E2F3: variants seen among roughly 807,000 people sequenced by gnomAD.
E2F3 encodes E2F transcription factor 3, also known as transcription factor E2F3.
In E2F3, 11 loss-of-function variants were observed where a neutral mutation model predicts 44.4. That is an observed-to-expected ratio of 0.25 (90% confidence interval 0.16 to 0.41). E2F3 has a LOEUF of 0.41. E2F3 is among the 10% of genes least tolerant of loss of function. E2F3 has a pLI of 1.00. For synonymous variants in E2F3, 249 were observed against 253.0 expected (o/e 0.98, Z 0.15); for missense variants, 487 against 583.6 (o/e 0.83, Z 1.70).
chr6:20,480,453 A>T (rs1455715407), intron 2 of E2F3, among the ~76,000 whole-genome samples: 3 of 152,214 alleles, frequency 2.0e-5, no homozygotes, highest in Non-Finnish European at 4.4e-5. Context: ...AACGTAGGTT[A>T]GAAATAGCCA....
At chr6:20,426,014 A>G (rs1191546634) in intron 1 of E2F3, among the ~76,000 whole-genome samples, 6 of 152,340 alleles carry the variant, frequency 3.9e-5, no homozygotes, top group Non-Finnish European at 7.3e-5. Context: ...AAGTAATCTC[A>G]TTTATTAGGA....
chr6:20,439,226 T>C (rs73732143), intron 1 of E2F3, among the ~76,000 whole-genome samples: 4,242 of 152,260 alleles, frequency 0.028, 193 homozygotes, highest in African/African-American at 0.096. Context: ...TTTAGAACCA[T>C]CGAGGGAATT....
rs113851637 is a variant in E2F3 at position 20,479,682 on chromosome 6, C to G, written c.394-164C>G. On this transcript the variant is annotated intron_variant, in intron 1 of 6. Transcript: ENST00000346618. Reference sequence around the variant, plus strand: ...GTGCATGACAACCCAGCCTACAACGCTAGAATCCTGGCTCTAGGGAATGAC... The same window carrying G: ...GTGCATGACAACCCAGCCTACAACGGTAGAATCCTGGCTCTAGGGAATGAC... 4.8e-3 allele frequency among the ~76,000 whole-genome samples: 727 copies of G among 152,336 alleles called. 3 individuals are homozygous for G. Among genetic ancestry groups the G allele is most frequent in the African/African-American group, 0.017 (696 of 41,568 alleles).
chr6:20,482,598 AAATAT>A (rs1378219555), intron 3 of E2F3, among the ~76,000 whole-genome samples, 159 bp from the exon 4 acceptor site: 2 of 125,182 alleles, frequency 1.6e-5, no homozygotes, highest in African/African-American at 6.9e-5. Flanking sequence ...ATGAAAAAAA[AAATAT>A]ATATATATAT....
At chr6:20,431,322 T>C (rs1237498211) in intron 1 of E2F3, among the ~76,000 whole-genome samples, 2 of 152,200 alleles carry the variant, frequency 1.3e-5, no homozygotes, top group East Asian at 3.8e-4. Flanking sequence ...AGGAACCAGC[T>C]GCATCAACGG....
chr6:20,479,876 G>A lies in E2F3; in HGVS notation c.424G>A (p.Gly142Ser), dbSNP rs1221089278. Reference protein sequence around the residue: ...AKRRLELGESGHQYLSDGLKT... With the variant: ...AKRRLELGESSHQYLSDGLKT... ...GCGAAGGCTGGAGCTAGGAGAAAGCGGTCATCAGTACCTCTCAGATGGTTT... is the reference window on the plus strand; with the variant it reads ...GCGAAGGCTGGAGCTAGGAGAAAGCAGTCATCAGTACCTCTCAGATGGTTT... The change falls in exon 2 of 7, where the codon GGT becomes AGT. Residue 142 changes from glycine (G) to serine (S), a missense_variant. Gly to Ser is a moderately conservative substitution (Grantham distance 56, BLOSUM62 0). This residue lies in a region of E2F3 where 238 missense variants were observed against 236.0 expected (regional missense o/e 1.01). Coordinates refer to ENST00000346618, the MANE Select transcript of E2F3 (RefSeq NM_001949.5). 3.1e-6 allele frequency: 5 copies of A among 1,612,588 alleles called. No homozygotes were observed. Among genetic ancestry groups the A allele is most frequent in the Non-Finnish European group, 4.2e-6 (5 of 1,179,426 alleles).
chr6:20,403,448 C>G (rs988101868), intron 1 of E2F3, among the ~76,000 whole-genome samples: 6 of 152,104 alleles, frequency 3.9e-5, no homozygotes, highest in African/African-American at 1.4e-4. Context: ...CTCCGCCCCC[C>G]GGCGACGGAG....
intron 1 of E2F3, among the ~76,000 whole-genome samples, chr6:20,407,007 C>G (rs1759515506): frequency 6.6e-6 from 1 of 152,178 alleles, no homozygotes; most frequent in Admixed American, 6.5e-5. Context: ...TGTCCTGTCA[C>G]AGTCATAGCA....
chr6:20,408,124 T>C (rs1759550767), intron 1 of E2F3, among the ~76,000 whole-genome samples: 1 of 152,244 alleles, frequency 6.6e-6, no homozygotes, highest in Non-Finnish European at 1.5e-5. Context: ...TTTTTTCTAC[T>C]AATCATTGTT....
intron 1 of E2F3, among the ~76,000 whole-genome samples, chr6:20,471,692 T>C (rs561240253): frequency 4.6e-5 from 7 of 152,226 alleles, no homozygotes; most frequent in Non-Finnish European, 8.8e-5. Context: ...ATGTTGAGGA[T>C]GTACTCCAAG....
At chr6:20,455,239 A>G (rs950389349) in intron 1 of E2F3, among the ~76,000 whole-genome samples, 2 of 152,170 alleles carry the variant, frequency 1.3e-5, no homozygotes, top group Admixed American at 6.5e-5. Flanking sequence ...ATGTTGTAGT[A>G]TGTGTTTCTC....
intron 4 of E2F3, among the ~76,000 whole-genome samples, chr6:20,485,218 A>G (rs1310709075): frequency 6.6e-6 from 1 of 152,162 alleles, no homozygotes. Flanking sequence ...TAAGTACCAT[A>G]TTCTTTCATG....
At chr6:20,425,068 G>T (rs1335873016) in intron 1 of E2F3, among the ~76,000 whole-genome samples, 1 of 152,160 alleles carries the variant, frequency 6.6e-6, no homozygotes, top group African/African-American at 2.4e-5. Context: ...TTGCATGAAG[G>T]GAAGACCTAG....
chr6:20,468,638 C>T (rs2127612906), intron 1 of E2F3, among the ~76,000 whole-genome samples: 1 of 152,320 alleles, frequency 6.6e-6, no homozygotes, highest in South Asian at 2.1e-4. Context: ...CCTCTCCTCT[C>T]CTTGGAGGTT....
intron 2 of E2F3, among the ~76,000 whole-genome samples, chr6:20,480,432 GGA>G (rs1473731828): frequency 3.3e-5 from 5 of 152,262 alleles, no homozygotes; most frequent in Admixed American, 6.5e-5. Context: ...GTTTCTTGTG[GGA>G]GAGAGAGAAA....
chr6:20,405,168 A>C (rs1174167116), intron 1 of E2F3, among the ~76,000 whole-genome samples: 2 of 152,124 alleles, frequency 1.3e-5, no homozygotes, highest in Admixed American at 6.5e-5. Flanking sequence ...CTTCCAAGTT[A>C]TTTCAAAACT....
At chr6:20,440,260 A>G (rs1760729853) in intron 1 of E2F3, 1 of 152,260 alleles carries the variant, frequency 6.6e-6, no homozygotes, top group Non-Finnish European at 1.5e-5. Context: ...CATGACTTCC[A>G]AAGAAATCAT....
chr6:20,415,294 T>A (rs1759808452), intron 1 of E2F3, among the ~76,000 whole-genome samples: 1 of 152,202 alleles, frequency 6.6e-6, no homozygotes, highest in African/African-American at 2.4e-5. Context: ...CAGTGAAGTT[T>A]CTTAGGCATC....
At chr6:20,424,694 G>GA (rs111804788) in intron 1 of E2F3, among the ~76,000 whole-genome samples, 7,460 of 151,460 alleles carry the variant, frequency 0.049, 428 homozygotes, top group African/African-American at 0.14. Context: ...AGGGTTATAA[G>GA]AAAAAAAACT....
Sources: gnomAD v4.1 joint callset for allele counts (sites outside exome capture counted in the v4.1 genomes callset) on GRCh38, gnomAD v4.1.1 for gene constraint, gnomAD v4.1.1 regional missense constraint, MANE v1.5 for transcripts, NCBI Gene and HGNC (gene_info 2026-07-23, HGNC 2026-07-21) for gene names.